The following CKAP5 variants were observed in gnomAD, a reference collection of about 807,000 sequenced individuals.
The protein encoded by CKAP5 is cytoskeleton-associated protein 5.
In CKAP5, 27 loss-of-function variants were observed where a neutral mutation model predicts 232.8. The ratio of observed to expected loss-of-function variants is 0.12; its 90% CI spans 0.09 to 0.16. The LOEUF is 0.16. Among genes scored for constraint, CKAP5 ranks in the 10% least tolerant of loss-of-function variants. The pLI is 1.00. For missense variants in CKAP5, 1,838 were observed against 2,424.7 expected (o/e 0.76, Z 5.08); for synonymous variants, 785 against 841.1 (o/e 0.93, Z 1.16).
intron 35 of CKAP5, among the ~76,000 whole-genome samples, chr11:46,757,218 C>A (rs1009194752): frequency 5.3e-5 from 8 of 151,862 alleles, no homozygotes; most frequent in Admixed American, 5.3e-4. Flanking sequence ...ATCACCCTGA[C>A]GCAGTGGCTC....
chr11:46,824,188 GT>G (rs1413297779), intron 1 of CKAP5, among the ~76,000 whole-genome samples: 2 of 152,162 alleles, frequency 1.3e-5, no homozygotes, highest in African/African-American at 4.8e-5. Flanking sequence ...AGAAGAAAAT[GT>G]CCCAGAGAAA....
Position 46,806,520 on chromosome 11 carries a change from G to A in CKAP5, c.978+1511C>T, listed in dbSNP as rs141599893. On this transcript the variant is annotated intron_variant, in intron 8 of 43. Transcript: ENST00000529230. ...TCCCCTTCCCATTCTTTCCTCCCAG[G>A]TTCCAGGTTGGTAAAACTCTTTTTC... is the stretch of plus-strand genomic sequence containing the variant. Among the ~76,000 whole-genome samples the A allele has an allele frequency of 2.2e-4, 33 of 152,054 alleles. 2 individuals are homozygous for A. In the East Asian group the frequency reaches 6.2e-3, roughly 28 times the overall value.
intron 26 of CKAP5, 132 bp from the exon 27 acceptor site, chr11:46,767,795 A>G: frequency 1.8e-6 from 1 of 553,852 alleles, no homozygotes; most frequent in Non-Finnish European, 3.0e-6. Context: ...GTTTTCAGTT[A>G]GTTTTTTTTT....
intron 42 of CKAP5, among the ~76,000 whole-genome samples, chr11:46,744,928 A>G (rs1429834780): frequency 1.3e-5 from 2 of 152,232 alleles, no homozygotes; most frequent in Non-Finnish European, 2.9e-5. Context: ...GAAAAACCCG[A>G]GGACCTTAAA....
chr11:46,750,160 GTGACCATTAAGTAT>G, intron 42 of CKAP5, 100 bp downstream of exon 42: 4 of 1,013,202 alleles, frequency 3.9e-6, no homozygotes, highest in Non-Finnish European at 5.9e-6. Flanking sequence ...AGGCCATTTG[GTGACCATTAAGTAT>G]TGAGGTTCAT....
chr11:46,765,298 T>G (rs1555162126), intron 27 of CKAP5, 42 bp from the exon 28 acceptor site: 18 of 1,544,828 alleles, frequency 1.2e-5, no homozygotes, highest in Non-Finnish European at 1.5e-5. Context: ...CTTGGCCACT[T>G]CTCCTTAAGA....
At chr11:46,812,632 T>C (rs1939303499) in intron 4 of CKAP5, among the ~76,000 whole-genome samples, 1 of 152,036 alleles carries the variant, frequency 6.6e-6, no homozygotes, top group African/African-American at 2.4e-5. Flanking sequence ...TTTTTTTTTC[T>C]TGGTTTTTGT....
chr11:46,762,594 G>C (rs1392163824), intron 31 of CKAP5, 33 bp downstream of exon 31: 1 of 1,612,302 alleles, frequency 6.2e-7, no homozygotes, highest in East Asian at 2.2e-5. Flanking sequence ...CTGCTGCAGA[G>C]ATTCACATCT....
intron 1 of CKAP5, among the ~76,000 whole-genome samples, chr11:46,829,466 G>A (rs1338224396): frequency 6.6e-6 from 1 of 152,112 alleles, no homozygotes; most frequent in African/African-American, 2.4e-5. Context: ...GATTGCCTGA[G>A]CCCAGAAAGA....
intron 35 of CKAP5, among the ~76,000 whole-genome samples, chr11:46,756,514 T>C (rs976278718): frequency 6.6e-6 from 1 of 152,228 alleles, no homozygotes; most frequent in Non-Finnish European, 1.5e-5. Flanking sequence ...GGTATACTTA[T>C]TAACAACAAG....
At chr11:46,808,205 T>A (rs1939199458) in intron 7 of CKAP5, 61 bp from the exon 8 acceptor site, 1 of 1,073,936 alleles carries the variant, frequency 9.3e-7, no homozygotes, top group Admixed American at 2.1e-5. Context: ...AAAAGTCTAT[T>A]TATTGCACTC....
chr11:46,763,688 G>GAGCCTTATAT, intron 28 of CKAP5, 58 bp from the exon 29 acceptor site: 4 of 1,236,356 alleles, frequency 3.2e-6, no homozygotes, highest in Non-Finnish European at 4.3e-6. Flanking sequence ...ATGAGGTAGA[G>GAGCCTTATAT]AGCCTTATAT....
intron 24 of CKAP5, among the ~76,000 whole-genome samples, chr11:46,775,725 G>C (rs898465630): frequency 3.3e-5 from 5 of 151,838 alleles, no homozygotes; most frequent in African/African-American, 1.2e-4. Flanking sequence ...CATAGGAACA[G>C]AACACCAAAC....
chr11:46,763,373 G>C, intron 29 of CKAP5, 108 bp downstream of exon 29: 1 of 1,086,424 alleles, frequency 9.2e-7, no homozygotes, highest in Non-Finnish European at 1.3e-6. Flanking sequence ...TAAAAATAGA[G>C]AACATAGTAT....
intron 30 of CKAP5, 32 bp downstream of exon 30, chr11:46,762,944 A>C (rs370558959): frequency 7.6e-5 from 119 of 1,569,458 alleles, no homozygotes; most frequent in Non-Finnish European, 9.9e-5. Context: ...TGGGAACTTA[A>C]GCAGTCTCCC....
chr11:46,810,949 A>C, intron 5 of CKAP5, 58 bp downstream of exon 5: 6 of 1,406,088 alleles, frequency 4.3e-6, no homozygotes, highest in Non-Finnish European at 5.8e-6. Flanking sequence ...CAACGATAGG[A>C]AGAAAATATT....
intron 4 of CKAP5, among the ~76,000 whole-genome samples, chr11:46,814,381 A>G (rs766002792): frequency 6.6e-6 from 1 of 152,196 alleles, no homozygotes; most frequent in African/African-American, 2.4e-5. Flanking sequence ...ATAAAAGTAC[A>G]TTATGAGCAA....
Position 46,763,646 on chromosome 11 carries a change from G to T in CKAP5, c.3538-16C>A. On this transcript the variant is annotated splice_polypyrimidine_tract_variant and intron_variant, in intron 28 of 43. Coordinates refer to ENST00000529230, the MANE Select transcript of CKAP5 (RefSeq NM_001008938.4). ...ACTTTAGCACCTGGAAAAAACAAACGGTGAAAAGGGGCTACAGGGTGTTCA... is the reference window on the plus strand; with the variant it reads ...ACTTTAGCACCTGGAAAAAACAAACTGTGAAAAGGGGCTACAGGGTGTTCA... 1.3e-6 allele frequency: 2 copies of T among 1,518,296 alleles called. No homozygotes were observed. Among genetic ancestry groups the T allele is most frequent in the Non-Finnish European group, 1.8e-6 (2 of 1,131,642 alleles). 94.1% of individuals were successfully genotyped at this position (1,518,296 alleles called of 1,614,324 possible).
At position 46,837,411 on chromosome 11, in the gene CKAP5, T is replaced by C. The variant is rs1939941707; in HGVS notation, c.-38+8809A>G. 1.3e-5 allele frequency among the ~76,000 whole-genome samples: 2 copies of C among 152,202 alleles called. 1 individual carries two copies. Among genetic ancestry groups the C allele is most frequent in the South Asian group, 4.1e-4 (2 of 4,832 alleles). On this transcript the variant is annotated intron_variant, in intron 1 of 43. Coordinates refer to ENST00000529230, the MANE Select transcript of CKAP5 (RefSeq NM_001008938.4). The stretch of plus-strand genomic sequence containing the variant: ...AGATGGCTACATAGAGAAATATTTA[T>C]AGATATGTCTATATACATGGGGTTA...
Sources: gnomAD v4.1 joint callset for allele counts (sites outside exome capture counted in the v4.1 genomes callset) on GRCh38, gnomAD v4.1.1 for gene constraint, MANE v1.5 for transcripts, NCBI Gene and HGNC (gene_info 2026-07-23, HGNC 2026-07-21) for gene names.